Variants in ADGRL2 observed in about 807,000 individuals in gnomAD.
The protein encoded by ADGRL2 is calcium-independent alpha-latrotoxin receptor 2.
Under a neutral mutation model 157.4 loss-of-function variants are expected in ADGRL2, and 44 were observed. The observed-to-expected ratio is 0.28, with a 90% CI of 0.22 to 0.36. The LOEUF is 0.36. Ranked by LOEUF, ADGRL2 falls within the 10% of genes least tolerant of loss-of-function variation. ADGRL2 has a pLI of 1.00. For missense variants in ADGRL2, 1,510 were observed against 1,768.9 expected (o/e 0.85, Z 2.63); for synonymous variants, 585 against 624.7 (o/e 0.94, Z 0.95).
At chr1:81,756,137 C>T (rs973432226) in intron 1 of ADGRL2, among the ~76,000 whole-genome samples, 1 of 152,168 alleles carries the variant, frequency 6.6e-6, no homozygotes, top group Non-Finnish European at 1.5e-5. Context: ...TCCCTTTGCT[C>T]ATGCTCTTAA....
At position 81,943,364 on chromosome 1, in the gene ADGRL2, G is replaced by C; in HGVS notation, c.805G>C (p.Asp269His). 6.2e-7 allele frequency: 1 copy of C among 1,613,568 alleles called. No homozygotes were observed. Among genetic ancestry groups the C allele is most frequent in the East Asian group, 2.2e-5 (1 of 44,856 alleles). ...PYRWGGKTDI[D>H]LAVDENGLWV... Reference sequence around the variant, plus strand: ...CAGATGGGGAGGAAAGACTGATATCGACCTAGCAGTTGATGAAAATGGTTT... The same window carrying C: ...CAGATGGGGAGGAAAGACTGATATCCACCTAGCAGTTGATGAAAATGGTTT... The change falls in exon 6 of 24, where the codon GAC becomes CAC. Residue 269 changes from aspartate to histidine, a missense_variant. Asp to His is a moderately conservative substitution (Grantham distance 81, BLOSUM62 -1). Around this residue, in one of 4 missense-constraint regions of ADGRL2, gnomAD observed 361 missense variants for 498.4 expected, o/e 0.72. Coordinates refer to ENST00000686636, the MANE Select transcript of ADGRL2 (RefSeq NM_001366006.2). This position sits in a 1 kb window ranked among gnomAD's most constrained non-coding sequence, Gnocchi z 5.6.
upstream of ADGRL2, among the ~76,000 whole-genome samples, chr1:81,798,662 G>A (rs916331889): frequency 1.5e-4 from 23 of 152,248 alleles, 1 homozygote; most frequent in South Asian, 3.5e-3. Context: ...TAAGAATACA[G>A]TGAAGAGTGA....
At chr1:81,416,593 T>C (rs2077038650) in intron 1 of ADGRL2, among the ~76,000 whole-genome samples, 1 of 152,236 alleles carries the variant, frequency 6.6e-6, no homozygotes, top group Non-Finnish European at 1.5e-5. Flanking sequence ...ACATTTTGCA[T>C]CCAAATGGTA....
chr1:81,723,865 G>A (rs562706854), intron 1 of ADGRL2, among the ~76,000 whole-genome samples: 2 of 152,206 alleles, frequency 1.3e-5, no homozygotes, highest in Non-Finnish European at 2.9e-5. Flanking sequence ...GGAGTACTTA[G>A]TTCTGTTCTT....
chr1:81,474,339 T>A (rs2078230492), intron 2 of ADGRL2, among the ~76,000 whole-genome samples: 1 of 152,240 alleles, frequency 6.6e-6, no homozygotes, highest in African/African-American at 2.4e-5. Context: ...TGTTGTTTTG[T>A]TTCCACTTCA....
chr1:81,875,697 G>A (rs1201473643), intron 2 of ADGRL2, among the ~76,000 whole-genome samples: 1 of 152,112 alleles, frequency 6.6e-6, no homozygotes, highest in East Asian at 1.9e-4. Context: ...TTTGTAGCTT[G>A]ATATGTAGTC....
intron 1 of ADGRL2, among the ~76,000 whole-genome samples, chr1:81,815,372 GTAGT>G (rs1218619632): frequency 2.6e-5 from 4 of 151,732 alleles, no homozygotes; most frequent in African/African-American, 9.7e-5. Context: ...TCTCTTAGTA[GTAGT>G]TAGTGGCCCA....
chr1:81,765,711 T>C (rs556364399), intron 2 of ADGRL2, among the ~76,000 whole-genome samples: 1 of 152,168 alleles, frequency 6.6e-6, no homozygotes, highest in South Asian at 2.1e-4. Flanking sequence ...TTTATGTTAA[T>C]AGTCATGATA....
intron 1 of ADGRL2, among the ~76,000 whole-genome samples, chr1:81,757,031 A>T (rs890994182): frequency 6.6e-6 from 1 of 152,142 alleles, no homozygotes; most frequent in Non-Finnish European, 1.5e-5. Flanking sequence ...CCAGGGTGCC[A>T]TGGAAGTTTC....
intron 2 of ADGRL2, among the ~76,000 whole-genome samples, chr1:81,536,824 T>A (rs1011523255): frequency 1.3e-5 from 2 of 152,230 alleles, no homozygotes; most frequent in African/African-American, 4.8e-5. Context: ...AATATAATCA[T>A]GTGAAATTCA....
intron 1 of ADGRL2, among the ~76,000 whole-genome samples, chr1:81,434,228 C>T (rs865782116): frequency 3.3e-5 from 5 of 152,284 alleles, no homozygotes; most frequent in South Asian, 2.1e-4. Context: ...ACAGTATTAA[C>T]CACATAGAGT....
intron 1 of ADGRL2, among the ~76,000 whole-genome samples, chr1:81,438,106 G>A (rs1041623651): frequency 2.7e-5 from 4 of 150,486 alleles, no homozygotes; most frequent in African/African-American, 7.3e-5. Flanking sequence ...ACATTGAAAT[G>A]TGTAGAAAGA....
chr1:81,490,453 T>C (rs901876608), intron 2 of ADGRL2, among the ~76,000 whole-genome samples: 3 of 152,064 alleles, frequency 2.0e-5, no homozygotes, highest in Non-Finnish European at 4.4e-5. Flanking sequence ...TCCTAAAAAT[T>C]ATTAGAAAAA....
In ADGRL2 at chr1:81,504,904, C is replaced by T. The variant is rs181155390; in HGVS notation, c.-248+59815C>T. Reference sequence around the variant, plus strand: ...ACTCCACAGCTCCTCCTGGACCCTGCGCGGGAGCAGGCGGCTCCTGTGCTG... The same window carrying T: ...ACTCCACAGCTCCTCCTGGACCCTGTGCGGGAGCAGGCGGCTCCTGTGCTG... On this transcript the variant is annotated intron_variant, in intron 2 of 24. Coordinates refer to the ADGRL2 transcript ENST00000370721. Among the ~76,000 whole-genome samples the T allele has an allele frequency of 5.3e-5, 8 of 152,278 alleles. No homozygotes were observed. In the East Asian group the frequency reaches 1.5e-3, roughly 29 times the overall value.
intron 1 of ADGRL2, among the ~76,000 whole-genome samples, chr1:81,832,199 C>T (rs932518643): frequency 3.3e-5 from 5 of 152,068 alleles, no homozygotes; most frequent in African/African-American, 7.2e-5. Flanking sequence ...TGGAGTGCAG[C>T]GGCACGATCT....
intron 2 of ADGRL2, among the ~76,000 whole-genome samples, chr1:81,790,380 C>A (rs1456454319): frequency 6.6e-6 from 1 of 152,158 alleles, no homozygotes; most frequent in East Asian, 1.9e-4. Flanking sequence ...AACACACACA[C>A]ACAAACATTG....
At chr1:81,517,970 T>C (rs1338199446) in intron 2 of ADGRL2, among the ~76,000 whole-genome samples, 1 of 152,228 alleles carries the variant, frequency 6.6e-6, no homozygotes, top group Non-Finnish European at 1.5e-5. Flanking sequence ...TGCGTATATC[T>C]CTGGGAGGAA....
At chr1:81,668,750 G>A (rs1162575) in intron 3 of ADGRL2, among the ~76,000 whole-genome samples, 111,031 of 150,754 alleles carry the variant, frequency 0.74, 41,195 homozygotes, top group South Asian at 0.79. Context: ...TTGTATTTTT[G>A]GTAGAGACTG....
chr1:81,804,353 T>G (rs1313072348), intron 1 of ADGRL2, among the ~76,000 whole-genome samples: 4 of 152,216 alleles, frequency 2.6e-5, no homozygotes, highest in Non-Finnish European at 5.9e-5. Flanking sequence ...AGGTGCCATT[T>G]CACATCATTC....
Sources: gnomAD v4.1 joint callset for allele counts (sites outside exome capture counted in the v4.1 genomes callset) on GRCh38, gnomAD v4.1.1 for gene constraint, gnomAD v4.1.1 regional missense constraint, Gnocchi (gnomAD v3.1) non-coding constraint, MANE v1.5 for transcripts, NCBI Gene and HGNC (gene_info 2026-07-23, HGNC 2026-07-21) for gene names.